SLC8A3: variants seen among roughly 807,000 people sequenced by gnomAD.
SLC8A3 encodes solute carrier family 8 member A3, also known as sodium/calcium exchanger 3.
SLC8A3 carries 37 observed loss-of-function variants against 65.4 expected under a neutral mutation model. That is an observed-to-expected ratio of 0.57 (90% confidence interval 0.44 to 0.74). The LOEUF (loss-of-function observed/expected upper bound fraction) is 0.74, where lower values mean the gene tolerates loss of function less well. Ranked by LOEUF, SLC8A3 falls within the 30% of genes least tolerant of loss-of-function variation. The pLI, the probability that SLC8A3 is intolerant of heterozygous loss-of-function variation, is 0.00. For missense variants in SLC8A3, 1,112 were observed against 1,172.1 expected, an observed-to-expected ratio of 0.95 and a Z score of 0.75; for synonymous variants, 461 against 444.5, an observed-to-expected ratio of 1.04 and a Z score of -0.47.
At chr14:70,082,201 A>G (rs1216713823) in intron 2 of SLC8A3, among the ~76,000 whole-genome samples, 3 of 152,184 alleles carry the variant, frequency 2.0e-5, no homozygotes, top group Admixed American at 2.0e-4. Flanking sequence ...GACTGACCCT[A>G]AATAGGTGTA....
Position 70,061,532 on chromosome 14 carries a change from AAGAG to A in SLC8A3, c.1785-597_1785-594del, listed in dbSNP as rs149638039. On this transcript the variant is annotated intron_variant, in intron 2 of 6. Coordinates refer to ENST00000356921, the MANE Select transcript of SLC8A3 (RefSeq NM_182932.3). ...GAAGGAAAACCAGACAGAGGAAGAG[AAGAG>A]AGAGAGAGAGAGAGAGTGAGAGAGA... is the stretch of plus-strand genomic sequence containing the variant. Among the ~76,000 whole-genome samples, 297 of 148,098 alleles carry A rather than the reference AAGAG, an allele frequency of 2.0e-3. 3 individuals carry two copies. The highest frequency in any genetic ancestry group is 4.9e-3 in the African/African-American group (198 of 40,158).
chr14:70,140,426 G>T (rs1026812798), intron 2 of SLC8A3, among the ~76,000 whole-genome samples: 1 of 152,072 alleles, frequency 6.6e-6, no homozygotes, highest in Admixed American at 6.5e-5. Context: ...ACACAAGAAG[G>T]GTTATCATGG....
intron 1 of SLC8A3, among the ~76,000 whole-genome samples, chr14:70,171,091 C>G (rs929077562): frequency 1.3e-5 from 2 of 152,184 alleles, no homozygotes; most frequent in Admixed American, 1.3e-4. Context: ...CTCTGAAAAC[C>G]CTGACACTTT....
chr14:70,054,707 G>A (rs1282152653), intron 3 of SLC8A3, among the ~76,000 whole-genome samples: 2 of 152,092 alleles, frequency 1.3e-5, no homozygotes, highest in African/African-American at 4.8e-5. Context: ...GGAAGCTGGA[G>A]TAACTGTGTT....
chr14:70,095,043 G>A (rs776819163), intron 2 of SLC8A3, among the ~76,000 whole-genome samples: 2 of 152,208 alleles, frequency 1.3e-5, no homozygotes, highest in Non-Finnish European at 2.9e-5. Context: ...GCCTCCATTT[G>A]CTTATCTAAA....
rs1897189717 is a variant in SLC8A3, at chr14:70,166,821, A to G, written c.1602T>C (p.Phe534=). ...CACTGACATGAATAGTATCACATTCAAAAGTGAAGATGCCTGCATGGTCAT... is the reference window on the plus strand; with the variant it reads ...CACTGACATGAATAGTATCACATTCGAAAGTGAAGATGCCTGCATGGTCAT... The part of the protein sequence containing the change: ...LDDDHAGIFT[F]ECDTIHVSES... The change falls in exon 2 of 7, where the codon TTT becomes TTC. Residue 534 remains phenylalanine (F), a synonymous_variant. Coordinates refer to ENST00000356921, the MANE Select transcript of SLC8A3 (RefSeq NM_182932.3). 11 of 1,614,218 alleles carry G rather than the reference A, an allele frequency of 6.8e-6. No individual in the cohort carries two copies. Among genetic ancestry groups the G allele is most frequent in the Non-Finnish European group, 9.3e-6 (11 of 1,180,034 alleles).
rs762736424 is a variant in SLC8A3, at chr14:70,046,072, G to A, written c.2641C>T (p.Leu881=). The A allele has an allele frequency of 6.2e-7, 1 of 1,614,006 alleles. No homozygotes were observed. Among genetic ancestry groups the A allele is most frequent in the African/African-American group, 1.3e-5 (1 of 74,926 alleles). Reference sequence around the variant, plus strand: ...CGGGGGCCACCAAGCTCCCCTCCCAGGTGCGGCCGCCTTCGGTACAAGAGC... The same window carrying A: ...CGGGGGCCACCAAGCTCCCCTCCCAAGTGCGGCCGCCTTCGGTACAAGAGC... The part of the protein sequence containing the change: ...SVLLYRRRPH[L]GGELGGPRGC... The change falls in exon 7 of 7, where the codon CTG becomes TTG. Residue 881 remains leucine (L), a synonymous_variant. Transcript: ENST00000356921. This position sits in a 1 kb window ranked among gnomAD's most constrained non-coding sequence, Gnocchi z 4.2.
At position 70,095,087 on chromosome 14, in the gene SLC8A3, G is replaced by A. The variant is rs189658195; in HGVS notation, c.1785-34148C>T. The stretch of plus-strand genomic sequence containing the variant: ...CTGCAAGCGCTCACCTCATAGAGAC[G>A]TTGTGAGGTTTACAAGGGCTTGTCA... On this transcript the variant is annotated intron_variant, in intron 2 of 6. Transcript: ENST00000356921. Among the ~76,000 whole-genome samples the A allele has an allele frequency of 2.6e-4, 40 of 151,824 alleles. No individual in the cohort carries two copies. In the East Asian group the frequency reaches 3.5e-3, roughly 13 times the overall value.
intron 2 of SLC8A3, among the ~76,000 whole-genome samples, chr14:70,095,755 A>G (rs1458802686): frequency 6.6e-6 from 1 of 152,240 alleles, no homozygotes; most frequent in East Asian, 1.9e-4. Flanking sequence ...TGCAGAGAGA[A>G]GCAAGTAAGA....
chr14:70,183,921 C>T (rs978075398), intron 1 of SLC8A3, among the ~76,000 whole-genome samples: 1 of 152,220 alleles, frequency 6.6e-6, no homozygotes, highest in Admixed American at 6.5e-5. Flanking sequence ...ACATAGCTTT[C>T]TCCAGCACAA....
chr14:70,174,251 C>T (rs1181794855), intron 1 of SLC8A3, among the ~76,000 whole-genome samples: 1 of 152,226 alleles, frequency 6.6e-6, no homozygotes, highest in Non-Finnish European at 1.5e-5. Flanking sequence ...GGAAGCTCTA[C>T]ATACAGGCAG....
intron 2 of SLC8A3, among the ~76,000 whole-genome samples, chr14:70,101,878 T>A (rs1892574525): frequency 6.6e-6 from 1 of 152,154 alleles, no homozygotes; most frequent in Non-Finnish European, 1.5e-5. Context: ...AAAGTGACAG[T>A]TTAGCTCCCC....
chr14:70,154,581 G>T (rs1014379481), intron 2 of SLC8A3, among the ~76,000 whole-genome samples: 11 of 152,166 alleles, frequency 7.2e-5, no homozygotes, highest in Admixed American at 6.5e-4. Flanking sequence ...AAAGCAAAAG[G>T]CCAGAGAAGT....
intron 1 of SLC8A3, among the ~76,000 whole-genome samples, chr14:70,172,442 T>C (rs1897606419): frequency 6.6e-6 from 1 of 152,154 alleles, no homozygotes; most frequent in Non-Finnish European, 1.5e-5. Flanking sequence ...TTGTAGAATG[T>C]CCACGGCCTC....
At chr14:70,047,274 A>G (rs1438339839) in intron 6 of SLC8A3, 2 of 152,140 alleles carry the variant, frequency 1.3e-5, no homozygotes, top group South Asian at 2.1e-4. Context: ...TCTCCCAGAG[A>G]AAACCTCTTA....
chr14:70,168,123 T>C lies in SLC8A3; in HGVS notation c.300A>G (p.Ala100=), dbSNP rs2140377799. 1 of 1,614,140 alleles carries C rather than the reference T, an allele frequency of 6.2e-7. No individual in the cohort carries two copies. ...CTTGAGAGGTGATGACTTCAATAGA[T>C]GCCATGAAGCGGTCAGCAATGATGG... ...GVSIIADRFM[A]SIEVITSQER... is the part of the protein sequence containing the mutation. The change falls in exon 2 of 7, where the codon GCA becomes GCG. Residue 100 remains alanine (A), a synonymous_variant. Transcript: ENST00000356921.
At chr14:70,143,870 C>A (rs559456809) in intron 2 of SLC8A3, among the ~76,000 whole-genome samples, 1 of 152,300 alleles carries the variant, frequency 6.6e-6, no homozygotes, top group Non-Finnish European at 1.5e-5. Context: ...GGTGTATACT[C>A]ATTTCATGGC....
chr14:70,167,915 T>C lies in SLC8A3; in HGVS notation c.508A>G (p.Ile170Val). Residue 170 changes from isoleucine to valine, a missense_variant, in exon 2 of 7, where the codon ATT becomes GTT. Physicochemically the swap from Ile to Val is conservative, Grantham distance 29. Coordinates refer to ENST00000356921, the MANE Select transcript of SLC8A3 (RefSeq NM_182932.3). ...FIAGDLGPSTIVGSAAFNMFI... is the reference protein window; with the variant it reads ...FIAGDLGPSTVVGSAAFNMFI... ...ATGTTGAAGGCTGCACTCCCTACAA[T>C]GGTAGAAGGTCCCAGATCACCAGCA... 1 of 1,614,052 alleles carries C rather than the reference T, an allele frequency of 6.2e-7. No individual in the cohort carries two copies. Among genetic ancestry groups the C allele is most frequent in the Non-Finnish European group, 8.5e-7 (1 of 1,180,014 alleles).
intron 2 of SLC8A3, among the ~76,000 whole-genome samples, chr14:70,129,919 G>T (rs753571472): frequency 6.6e-6 from 1 of 152,244 alleles, no homozygotes; most frequent in Admixed American, 6.5e-5. Flanking sequence ...TGCCAGGGCA[G>T]TATGTGTTGG....
Sources: allele counts gnomAD v4.1 joint callset (sites outside exome capture counted in the v4.1 genomes callset), GRCh38; gene constraint gnomAD v4.1.1; non-coding constraint Gnocchi (gnomAD v3.1); transcripts MANE v1.5; gene names NCBI Gene and HGNC (gene_info 2026-07-23, HGNC 2026-07-21).